SMG1: variants seen among roughly 807,000 people sequenced by gnomAD.
SMG1 encodes SMG1 nonsense mediated mRNA decay associated PI3K related kinase.
SMG1 carries 22 observed loss-of-function variants against 419.9 expected under a neutral mutation model. The ratio of observed to expected loss-of-function variants is 0.05; its 90% CI spans 0.04 to 0.07. The LOEUF is 0.07. Among genes scored for constraint, SMG1 ranks in the 10% least tolerant of loss-of-function variants. The pLI, the probability that SMG1 is intolerant of heterozygous loss-of-function variation, is 1.00. For missense variants in SMG1, 3,185 were observed against 4,342.0 expected, an observed-to-expected ratio of 0.73 and a Z score of 7.49; for synonymous variants, 1,538 against 1,553.5, an observed-to-expected ratio of 0.99 and a Z score of 0.23.
chr16:18,920,586 G>T (rs2038159029), intron 1 of SMG1, among the ~76,000 whole-genome samples: 1 of 152,138 alleles, frequency 6.6e-6, no homozygotes. Context: ...TGTAATCCCA[G>T]CACTTTGGGA....
Position 18,892,300 on chromosome 16 carries a change from A to G in SMG1, c.467T>C (p.Ile156Thr). The G allele has an allele frequency of 6.4e-7, 1 of 1,550,418 alleles. No homozygotes were observed. Among genetic ancestry groups the G allele is most frequent in the South Asian group, 1.2e-5 (1 of 84,060 alleles). ...TCGGTCTCTGTCGTCTTCCCGGGTGATCCTCCGAAGAAGATTCGACAGTCG... is the reference window on the plus strand; with the variant it reads ...TCGGTCTCTGTCGTCTTCCCGGGTGGTCCTCCGAAGAAGATTCGACAGTCG... ...ESRLSNLLRR[I>T]TREDDRDRRL... The change falls in exon 4 of 63, where the codon ATC (isoleucine) becomes ACC (threonine). Residue 156 changes from isoleucine (I) to threonine (T), a missense_variant. Ile to Thr is a moderately conservative substitution (Grantham distance 89). This residue lies in a region of SMG1 where 23 missense variants were observed against 20.5 expected (regional missense o/e 1.12). Transcript: ENST00000446231.
intron 11 of SMG1, chr16:18,879,117 A>ATTTTTTTTTTTT: frequency 3.5e-6 from 1 of 289,124 alleles, no homozygotes; most frequent in African/African-American, 2.2e-5. Context: ...CAAAGCCCTT[A>ATTTTTTTTTTTT]TTTTTTTTTC....
At chr16:18,845,835 G>A (rs1217327636) in intron 38 of SMG1, among the ~76,000 whole-genome samples, 184 bp from the exon 39 acceptor site, 1 of 151,072 alleles carries the variant, frequency 6.6e-6, no homozygotes, top group East Asian at 1.9e-4. Flanking sequence ...TTTTTTTTTG[G>A]AGACAGAGTT....
At chr16:18,879,326 G>C (rs2036283294) in intron 11 of SMG1, 169 bp downstream of exon 11, 1 of 601,282 alleles carries the variant, frequency 1.7e-6, no homozygotes, top group African/African-American at 1.9e-5. Flanking sequence ...CATTGCCCAA[G>C]CTGTGCCAGA....
intron 1 of SMG1, among the ~76,000 whole-genome samples, chr16:18,910,770 T>C (rs1596649752): frequency 6.6e-6 from 1 of 152,076 alleles, no homozygotes; most frequent in Non-Finnish European, 1.5e-5. Flanking sequence ...CTTAAAACTA[T>C]CACATTGGCA....
chr16:18,916,494 C>T (rs570011022), intron 1 of SMG1, among the ~76,000 whole-genome samples: 129 of 118,650 alleles, frequency 1.1e-3, no homozygotes, highest in African/African-American at 4.1e-3. Flanking sequence ...CCAGCGTGGG[C>T]GACGGTGAGA....
intron 49 of SMG1, among the ~76,000 whole-genome samples, chr16:18,834,676 G>A (rs1159117119): frequency 6.6e-6 from 1 of 152,142 alleles, no homozygotes; most frequent in Non-Finnish European, 1.5e-5. Context: ...TATTAAGGAG[G>A]CTGAGGTTGC....
chr16:18,814,870 G>A (rs945247748), intron 60 of SMG1, among the ~76,000 whole-genome samples: 1 of 135,742 alleles, frequency 7.4e-6, no homozygotes, highest in South Asian at 2.4e-4. Flanking sequence ...GAGCCACCTC[G>A]CCCGGCCTTT....
chr16:18,859,226 T>A (rs1260234584), intron 27 of SMG1, 45 bp from the exon 28 acceptor site: 1 of 1,453,842 alleles, frequency 6.9e-7, no homozygotes, highest in Non-Finnish European at 9.3e-7. Context: ...TTACAATTCA[T>A]AACCACTCAA....
rs1596594749 is a variant in SMG1, at chr16:18,885,070, G to T, written c.1021+20C>A. ...CTCCCCGACAGTATTTAAATAACTG[G>T]TATAGGCTGCAAGACTTACCAGATA... On this transcript the variant is annotated intron_variant, in intron 8 of 62. Transcript: ENST00000446231. The T allele has an allele frequency of 1.5e-6, 1 of 666,482 alleles. No individual in the cohort carries two copies. Among genetic ancestry groups the T allele is most frequent in the Non-Finnish European group, 2.6e-6 (1 of 377,362 alleles). 41.3% of individuals were successfully genotyped at this position (666,482 alleles called of 1,614,324 possible). A position where few individuals can be genotyped will look rare whatever the true frequency, so the allele number is the denominator to read the frequency against.
intron 56 of SMG1, 117 bp from the exon 57 acceptor site, chr16:18,817,587 T>C: frequency 1.2e-6 from 1 of 833,154 alleles, no homozygotes; most frequent in Non-Finnish European, 1.8e-6. Context: ...GGACCAGAAT[T>C]GGTCCTGAAA....
In SMG1 at chr16:18,806,260, C is replaced by T. The variant is rs977397546; in HGVS notation, c.*3309G>A. ...ACATTGGACAATATTAAGAAAACTA[C>T]TTACTAAGCTTAGGTAATAGAGGCA... On this transcript the variant is annotated 3_prime_UTR_variant, in exon 63 of 63. Transcript: ENST00000446231. 3.9e-5 allele frequency: 6 copies of T among 152,560 alleles called. No individual in the cohort carries two copies. The highest frequency in any genetic ancestry group is 1.4e-4 in the African/African-American group (6 of 41,414). The allele number at this position is 152,560 out of a possible 1,614,324, so 9.5% of individuals were successfully genotyped here.
In SMG1 at chr16:18,828,142, A is replaced by G. The variant is rs773692966; in HGVS notation, c.9630T>C (p.Asn3210=). ...FQWQHEDLLI[N]RPQAMSVTPP... ...GTGTGACTGACATGGCTTGTGGTCT[A>G]TTGATAAGTAGATCTTCATGTTGCC... The change falls in exon 55 of 63, where the codon AAT becomes AAC. Residue 3210 remains asparagine (N), a synonymous_variant. Transcript: ENST00000446231. 22 of 1,613,292 alleles carry G rather than the reference A, an allele frequency of 1.4e-5. No individual in the cohort carries two copies. The highest frequency in any genetic ancestry group is 1.6e-4 in the Middle Eastern group (1 of 6,082).
At chr16:18,862,569 T>C (rs1232027843) in intron 25 of SMG1, among the ~76,000 whole-genome samples, 2 of 152,196 alleles carry the variant, frequency 1.3e-5, no homozygotes, top group Non-Finnish European at 2.9e-5. Flanking sequence ...CTCTGTGTGC[T>C]CCTACTCCAG....
chr16:18,911,402 G>A (rs756348489), intron 1 of SMG1: 2 of 152,178 alleles, frequency 1.3e-5, no homozygotes, highest in African/African-American at 4.8e-5. Flanking sequence ...TATCTACTCA[G>A]GAGGCTGAGG....
intron 30 of SMG1, 57 bp downstream of exon 30, chr16:18,854,599 A>T: frequency 6.8e-7 from 1 of 1,480,132 alleles, no homozygotes; most frequent in Non-Finnish European, 9.1e-7. Context: ...ACACAGTAAC[A>T]TTCATATACA....
chr16:18,890,017 A>G (rs1421345475), intron 5 of SMG1, among the ~76,000 whole-genome samples: 1 of 152,266 alleles, frequency 6.6e-6, no homozygotes, highest in Non-Finnish European at 1.5e-5. Flanking sequence ...AGTAATGAGT[A>G]ACTCTATAAA....
intron 39 of SMG1, among the ~76,000 whole-genome samples, chr16:18,844,238 G>C (rs559292776): frequency 2.9e-4 from 44 of 152,120 alleles, no homozygotes; most frequent in African/African-American, 1.1e-3. Context: ...AGACCAGCCT[G>C]GCCAACATGG....
intron 3 of SMG1, among the ~76,000 whole-genome samples, chr16:18,893,061 A>G (rs1171692426): frequency 6.6e-6 from 1 of 152,218 alleles, no homozygotes; most frequent in Non-Finnish European, 1.5e-5. Context: ...GTACGGATAA[A>G]GTCTCAATCA....
Sources: gnomAD v4.1 joint callset for allele counts (sites outside exome capture counted in the v4.1 genomes callset) on GRCh38, gnomAD v4.1.1 for gene constraint, gnomAD v4.1.1 regional missense constraint, MANE v1.5 for transcripts, NCBI Gene and HGNC (gene_info 2026-07-23, HGNC 2026-07-21) for gene names.